Variants in RANBP2 observed in about 807,000 individuals in gnomAD.
RANBP2 encodes the protein E3 SUMO-protein ligase RanBP2.
RANBP2 carries 57 observed loss-of-function variants against 303.6 expected under a neutral mutation model. The ratio of observed to expected loss-of-function variants is 0.19; its 90% CI spans 0.15 to 0.23. The LOEUF is 0.23. Among genes scored for constraint, RANBP2 ranks in the 10% least tolerant of loss-of-function variants. The probability of loss-of-function intolerance (pLI) is 1.00; values close to 1 mark genes in which losing one functional copy is unlikely to be tolerated. For synonymous variants in RANBP2, 1,167 were observed against 1,301.5 expected, an observed-to-expected ratio of 0.90 and a Z score of 2.23; for missense variants, 3,138 against 3,780.8, an observed-to-expected ratio of 0.83 and a Z score of 4.46.
At chr2:109,703,301 T>G in the RANBP2 span, among the ~76,000 whole-genome samples, 1 of 152,254 alleles carries the variant, frequency 6.6e-6, no homozygotes, top group Non-Finnish European at 1.5e-5. Flanking sequence ...ATTCTGCCAC[T>G]GAGCTGTGTT....
At chr2:109,311,624 C>T in the RANBP2 span, among the ~76,000 whole-genome samples, 5 of 152,198 alleles carry the variant, frequency 3.3e-5, no homozygotes, top group African/African-American at 1.2e-4. Flanking sequence ...AGCAATGGCC[C>T]TTGATGGCAA....
At chr2:109,593,696 G>A in the RANBP2 span, among the ~76,000 whole-genome samples, 3 of 152,038 alleles carry the variant, frequency 2.0e-5, no homozygotes, top group Non-Finnish European at 4.4e-5. Flanking sequence ...GAGCCACCAC[G>A]CCTGGCCTTT....
the RANBP2 span, among the ~76,000 whole-genome samples, chr2:108,866,826 T>A: frequency 1.8e-3 from 276 of 150,858 alleles, 3 homozygotes; most frequent in African/African-American, 6.5e-3. Context: ...GAGTTTGCAG[T>A]GAGCCGAGAT....
At chr2:108,929,460 TG>T in the RANBP2 span, 7 of 1,451,534 alleles carry the variant, frequency 4.8e-6, no homozygotes, top group Non-Finnish European at 6.8e-6. Flanking sequence ...CCTTGGGCAG[TG>T]ACGTGCCAGC....
At chr2:109,594,814 T>C in the RANBP2 span, 11,652 of 152,226 alleles carry the variant, frequency 0.077, 799 homozygotes, top group African/African-American at 0.18. Context: ...AAATTTCATA[T>C]ATGCTAACAA....
chr2:109,062,045 T>G, the RANBP2 span, among the ~76,000 whole-genome samples: 1 of 152,180 alleles, frequency 6.6e-6, no homozygotes, highest in Admixed American at 6.5e-5. Flanking sequence ...TTTCCTGGCT[T>G]GCAGGGGAGG....
At chr2:108,771,114 A>G (rs907100838) in intron 20 of RANBP2, among the ~76,000 whole-genome samples, 1 of 151,418 alleles carries the variant, frequency 6.6e-6, no homozygotes. Context: ...ATGGTCTTAG[A>G]TTTTATAGTG....
chr2:109,439,134 G>C, the RANBP2 span, among the ~76,000 whole-genome samples: 102,378 of 152,072 alleles, frequency 0.67, 34,848 homozygotes, highest in African/African-American at 0.74. Flanking sequence ...TAACAAGCAG[G>C]ATCAAAAGAA....
chr2:108,806,473 T>C, the RANBP2 span, among the ~76,000 whole-genome samples: 4 of 152,168 alleles, frequency 2.6e-5, no homozygotes, highest in Admixed American at 2.0e-4. Context: ...GCAGAATGCT[T>C]TTTTATGGTT....
the RANBP2 span, among the ~76,000 whole-genome samples, chr2:109,666,103 C>G: frequency 2.7e-5 from 4 of 148,570 alleles, no homozygotes; most frequent in East Asian, 7.9e-4. Flanking sequence ...GAGACAGATT[C>G]TGTCACAAAA....
chr2:109,656,875 T>C, the RANBP2 span, among the ~76,000 whole-genome samples: 3 of 152,212 alleles, frequency 2.0e-5, no homozygotes, highest in Admixed American at 6.5e-5. Flanking sequence ...GTACTGAGTC[T>C]TCTAAGATGA....
chr2:108,729,975 T>C (rs867891770), intron 2 of RANBP2, among the ~76,000 whole-genome samples: 3 of 152,022 alleles, frequency 2.0e-5, no homozygotes, highest in South Asian at 4.2e-4. Flanking sequence ...TGCCTCGGCC[T>C]CCCGTAGTGT....
intron 24 of RANBP2, among the ~76,000 whole-genome samples, chr2:108,776,347 ACTT>A (rs1441098953): frequency 6.6e-6 from 1 of 152,282 alleles, no homozygotes; most frequent in East Asian, 1.9e-4. Flanking sequence ...TTATGGTACT[ACTT>A]AAATGTTTCT....
the RANBP2 span, among the ~76,000 whole-genome samples, chr2:109,624,361 A>T: frequency 6.6e-6 from 1 of 152,198 alleles, no homozygotes; most frequent in Admixed American, 6.5e-5. Context: ...GGAAGAATCA[A>T]CCGCTTTTAC....
the RANBP2 span, among the ~76,000 whole-genome samples, chr2:109,117,947 C>T: frequency 3.9e-4 from 59 of 152,288 alleles, no homozygotes; most frequent in East Asian, 0.011. Context: ...TGAAGAAGTG[C>T]CACTGCCTGC....
At chr2:109,446,129 A>C in the RANBP2 span, among the ~76,000 whole-genome samples, 8 of 152,234 alleles carry the variant, frequency 5.3e-5, no homozygotes, top group East Asian at 1.9e-4. Flanking sequence ...GGGGTGGGTG[A>C]AAATAAGGGT....
chr2:108,984,055 C>T, the RANBP2 span, among the ~76,000 whole-genome samples: 143,878 of 152,248 alleles, frequency 0.95, 68,477 homozygotes, highest in East Asian at 1. Flanking sequence ...TGATAATCTA[C>T]TTTCAGATTT....
the RANBP2 span, among the ~76,000 whole-genome samples, chr2:108,947,810 T>G: frequency 6.6e-6 from 1 of 152,214 alleles, no homozygotes; most frequent in Non-Finnish European, 1.5e-5. Context: ...ATCACTGACA[T>G]GCCCTGGAGA....
At chr2:108,992,089 C>T in the RANBP2 span, among the ~76,000 whole-genome samples, 16 of 152,280 alleles carry the variant, frequency 1.1e-4, no homozygotes, top group South Asian at 1.9e-3. Flanking sequence ...TGTGAGCCAC[C>T]GGACTCACCT....
Sources: gnomAD v4.1 joint callset for allele counts (sites outside exome capture counted in the v4.1 genomes callset) on GRCh38, gnomAD v4.1.1 for gene constraint, MANE v1.5 for transcripts, NCBI Gene and HGNC (gene_info 2026-07-23, HGNC 2026-07-21) for gene names.